SMARCA2: variants seen among roughly 807,000 people sequenced by gnomAD.
SMARCA2 encodes SWI/SNF related BAF chromatin remodeling complex subunit ATPase 2, also known as SWI/SNF-related matrix-associated actin-dependent regulator of chromatin subfamily A member 2.
A neutral mutation model predicts 199.8 loss-of-function variants in SMARCA2; 61 were observed. The observed-to-expected ratio is 0.31, with a 90% CI of 0.25 to 0.38. The LOEUF (loss-of-function observed/expected upper bound fraction) is 0.38. Ranked by LOEUF, SMARCA2 falls within the 10% of genes least tolerant of loss-of-function variation. SMARCA2 has a pLI of 1.00. For synonymous variants in SMARCA2, 935 were observed against 732.0 expected, an observed-to-expected ratio of 1.28 and a Z score of -4.48; for missense variants, 1,344 against 2,012.2, an observed-to-expected ratio of 0.67 and a Z score of 6.35.
chr9:2,051,488 C>G (rs116357152), intron 5 of SMARCA2, among the ~76,000 whole-genome samples: 1,524 of 152,308 alleles, frequency 0.01, 21 homozygotes, highest in African/African-American at 0.035. Flanking sequence ...CTCCACTTCC[C>G]TGCTTCCCAC....
rs1314660749 is a variant in SMARCA2 at position 2,169,445 on chromosome 9, G to C, written c.4200-974G>C. On this transcript the variant is annotated intron_variant, in intron 28 of 33. Coordinates refer to ENST00000349721, the MANE Select transcript of SMARCA2 (RefSeq NM_003070.5). The surrounding 1 kb of genome is among the most constrained non-coding windows in gnomAD (Gnocchi z 6.5). ...TTTTTTTTCCAACGCACCCCTCCCA[G>C]CTCTCCTTATATTTCAGACATTCCA... is the stretch of plus-strand genomic sequence containing the variant. 1.3e-5 allele frequency among the ~76,000 whole-genome samples: 2 copies of C among 152,008 alleles called. No homozygotes were observed. Among genetic ancestry groups the C allele is most frequent in the African/African-American group, 2.4e-5 (1 of 41,380 alleles).
chr9:2,150,839 G>A (rs1181296381), intron 27 of SMARCA2, among the ~76,000 whole-genome samples: 1 of 151,486 alleles, frequency 6.6e-6, no homozygotes, highest in Non-Finnish European at 1.5e-5. Flanking sequence ...GCTTGTAAAT[G>A]GCTACCTCCT....
intron 6 of SMARCA2, chr9:2,055,608 G>A (rs561416830): frequency 6.6e-6 from 1 of 152,360 alleles, no homozygotes; most frequent in South Asian, 2.1e-4. Context: ...GGCCACTCCA[G>A]TTGCTATTGT....
At position 2,088,527 on chromosome 9, in the gene SMARCA2, T is replaced by C. The variant is rs1373066940; in HGVS notation, c.2797T>C (p.Leu933=). 37 of 1,586,428 alleles carry C rather than the reference T, an allele frequency of 2.3e-5. No homozygotes were observed. Among genetic ancestry groups the C allele is most frequent in the Non-Finnish European group, 3.2e-5 (37 of 1,173,682 alleles). The change falls in exon 19 of 34, where the codon TTG becomes CTG. Residue 933 remains leucine (L), a synonymous_variant. Coordinates refer to ENST00000349721, the MANE Select transcript of SMARCA2 (RefSeq NM_003070.5). ...RVDLNEEETI[L]IIRRLHKVLR... ...GGACTTAAATGAAGAAGAAACTATA[T>C]TGATCATCAGGCGTCTACATAAGGT...
intron 29 of SMARCA2, among the ~76,000 whole-genome samples, chr9:2,173,135 A>C (rs1826347955): frequency 6.6e-6 from 1 of 152,186 alleles, no homozygotes; most frequent in Non-Finnish European, 1.5e-5. Context: ...CAGCGGTGCC[A>C]TTTACAGAAA....
At chr9:2,132,531 A>T (rs1824009055) in intron 27 of SMARCA2, among the ~76,000 whole-genome samples, 1 of 152,196 alleles carries the variant, frequency 6.6e-6, no homozygotes, top group Admixed American at 6.5e-5. Context: ...TTGTCATTTA[A>T]AATCTTTTCT....
Position 2,161,876 on chromosome 9 carries a change from T to C in SMARCA2, c.4172T>C (p.Ile1391Thr). The change falls in exon 28 of 34, where the codon ATC becomes ACC. Residue 1391 changes from isoleucine (I) to threonine (T), a missense_variant. Ile to Thr is a moderately conservative substitution (Grantham distance 89, BLOSUM62 -1). Transcript: ENST00000349721. This position sits in a 1 kb window ranked among gnomAD's most constrained non-coding sequence, Gnocchi z 4.7. ...CTGACAAAGCAGATGAACGCTATCATCGATACTGTGATAAACTACAAAGAT... is the reference window on the plus strand; with the variant it reads ...CTGACAAAGCAGATGAACGCTATCACCGATACTGTGATAAACTACAAAGAT... ...PKLTKQMNAI[I>T]DTVINYKDRC... 6.2e-7 allele frequency: 1 copy of C among 1,614,030 alleles called. No individual in the cohort carries two copies. Among genetic ancestry groups the C allele is most frequent in the Non-Finnish European group, 8.5e-7 (1 of 1,179,898 alleles).
At chr9:2,034,415 T>G (rs1340201538) in intron 3 of SMARCA2, among the ~76,000 whole-genome samples, 1 of 152,226 alleles carries the variant, frequency 6.6e-6, no homozygotes, top group Non-Finnish European at 1.5e-5. Context: ...GTCCTCTTTC[T>G]TTTCTTCACT....
intron 3 of SMARCA2, among the ~76,000 whole-genome samples, chr9:2,035,880 T>C (rs1819308243): frequency 6.6e-6 from 1 of 152,230 alleles, no homozygotes; most frequent in Admixed American, 6.5e-5. Context: ...AGTCCTATTT[T>C]ATATAATGAT....
In SMARCA2 at chr9:2,017,067, G is replaced by C. The variant is rs1253622858; in HGVS notation, c.-37+1663G>C. The C allele has an allele frequency of 6.6e-6, 1 of 152,232 alleles. No individual in the cohort carries two copies. The highest frequency in any genetic ancestry group is 2.4e-5 in the African/African-American group (1 of 41,442). 9.4% of individuals were successfully genotyped at this position (152,232 alleles called of 1,614,324 possible). A position where few individuals can be genotyped will look rare whatever the true frequency, so the allele number is the denominator to read the frequency against. On this transcript the variant is annotated intron_variant, in intron 1 of 33. Transcript: ENST00000349721. This position sits in a 1 kb window ranked among gnomAD's most constrained non-coding sequence, Gnocchi z 8.8. ...GGGCTCCGGCGGACACCCGCGCCTT[G>C]GCCGGGGCACTTGGGCCGGTTTCCG...
chr9:2,018,844 G>T (rs935373256), intron 1 of SMARCA2, among the ~76,000 whole-genome samples: 1 of 152,142 alleles, frequency 6.6e-6, no homozygotes, highest in Non-Finnish European at 1.5e-5. Context: ...CTGTTATCAG[G>T]GGGGCCACAA....
chr9:2,173,428 A>G (rs551015630), intron 29 of SMARCA2, among the ~76,000 whole-genome samples: 2 of 152,320 alleles, frequency 1.3e-5, no homozygotes, highest in African/African-American at 4.8e-5. Context: ...CTCAAGCCCA[A>G]GCACCTCTGC....
intron 18 of SMARCA2, among the ~76,000 whole-genome samples, chr9:2,088,199 G>A (rs1001406134): frequency 7.2e-5 from 11 of 152,132 alleles, no homozygotes; most frequent in Non-Finnish European, 8.8e-5. Flanking sequence ...TGTCTTCATT[G>A]ACAGTCATAT....
chr9:2,152,246 C>T (rs567352912), intron 27 of SMARCA2, among the ~76,000 whole-genome samples: 1 of 152,182 alleles, frequency 6.6e-6, no homozygotes, highest in African/African-American at 2.4e-5. Context: ...GAAGACAACC[C>T]TATCAAGAAC....
rs775472737 is a variant in SMARCA2, at chr9:2,073,631, T to C, written c.1935+8T>C. On this transcript the variant is annotated splice_region_variant and intron_variant, in intron 12 of 33. Transcript: ENST00000349721. ...TCTGATTATGAGGAAGAGGTATGTATGTATCTCTGTTTGGGGTTTATTGGT... is the reference window on the plus strand; with the variant it reads ...TCTGATTATGAGGAAGAGGTATGTACGTATCTCTGTTTGGGGTTTATTGGT... 5 of 1,591,048 alleles carry C rather than the reference T, an allele frequency of 3.1e-6. No homozygotes were observed. Among genetic ancestry groups the C allele is most frequent in the East Asian group, 2.2e-5 (1 of 44,812 alleles).
At chr9:2,144,073 G>C (rs891821075) in intron 27 of SMARCA2, among the ~76,000 whole-genome samples, 5 of 149,726 alleles carry the variant, frequency 3.3e-5, no homozygotes, top group South Asian at 4.1e-4. Flanking sequence ...CGGGAGATGG[G>C]GGGGGATGTA....
chr9:2,054,574 C>G (rs970407728), intron 5 of SMARCA2, 23 bp from the exon 6 acceptor site: 2 of 1,601,262 alleles, frequency 1.2e-6, no homozygotes, highest in South Asian at 2.2e-5. Context: ...GCCCCCTTTT[C>G]CCCATTTTAT....
intron 26 of SMARCA2, among the ~76,000 whole-genome samples, chr9:2,122,491 G>A (rs1033723057): frequency 6.6e-6 from 1 of 152,140 alleles, no homozygotes; most frequent in African/African-American, 2.4e-5. Flanking sequence ...AGCATCGTGA[G>A]CTAATTATAG....
chr9:2,023,218 G>A (rs1183515690), intron 1 of SMARCA2, among the ~76,000 whole-genome samples: 1 of 152,142 alleles, frequency 6.6e-6, no homozygotes, highest in Non-Finnish European at 1.5e-5. Flanking sequence ...TGCCGAGTTT[G>A]TTGTTATCTT....
Sources: gnomAD v4.1 joint callset for allele counts (sites outside exome capture counted in the v4.1 genomes callset) on GRCh38, gnomAD v4.1.1 for gene constraint, Gnocchi (gnomAD v3.1) non-coding constraint, MANE v1.5 for transcripts, NCBI Gene and HGNC (gene_info 2026-07-23, HGNC 2026-07-21) for gene names.